Variants in SNTG2 observed in about 807,000 individuals in gnomAD.
SNTG2 encodes the protein gamma-2-syntrophin.
In SNTG2, 74 loss-of-function variants were observed where a neutral mutation model predicts 70.9. That is an observed-to-expected ratio of 1.04 (90% CI 0.86 to 1.27). The LOEUF is 1.27. Ranked by LOEUF, SNTG2 falls within the 50% of genes most tolerant of loss-of-function variation. The pLI is 0.00. For synonymous variants in SNTG2, 278 were observed against 273.8 expected (o/e 1.02, Z -0.15); for missense variants, 717 against 690.7 (o/e 1.04, Z -0.43).
chr2:1,288,951 C>T (rs1445424444), intron 14 of SNTG2, among the ~76,000 whole-genome samples: 3 of 152,158 alleles, frequency 2.0e-5, no homozygotes, highest in Non-Finnish European at 2.9e-5. Context: ...GATTTCTGGT[C>T]TACTCTTACG....
chr2:1,319,315 C>T (rs374111441), intron 16 of SNTG2, among the ~76,000 whole-genome samples: 2 of 152,100 alleles, frequency 1.3e-5, no homozygotes, highest in South Asian at 2.1e-4. Context: ...ATACCAGATT[C>T]GTAGGACTTG....
intron 14 of SNTG2, among the ~76,000 whole-genome samples, chr2:1,300,834 C>T (rs1049935495): frequency 7.2e-5 from 11 of 152,112 alleles, no homozygotes; most frequent in Admixed American, 3.9e-4. Context: ...ATCCTAATTA[C>T]GTTTACTAGC....
At chr2:1,326,573 G>A (rs1264450891) in intron 16 of SNTG2, among the ~76,000 whole-genome samples, 1 of 152,066 alleles carries the variant, frequency 6.6e-6, no homozygotes, top group Non-Finnish European at 1.5e-5. Flanking sequence ...CGTAAAGGAA[G>A]CATGAGGCCA....
intron 8 of SNTG2, among the ~76,000 whole-genome samples, chr2:1,206,716 A>G (rs1159461023): frequency 1.3e-5 from 2 of 152,198 alleles, no homozygotes; most frequent in Non-Finnish European, 2.9e-5. Context: ...CAAGCTCTGC[A>G]TGCAGCCTGA....
rs533204645 is a variant in SNTG2 at position 1,363,498 on chromosome 2, G to A, written c.1489-3845G>A. 4.6e-5 allele frequency among the ~76,000 whole-genome samples: 7 copies of A among 152,292 alleles called. No individual in the cohort carries two copies. In the East Asian group the frequency reaches 1.4e-3, roughly 29 times the overall value. Reference sequence around the variant, plus strand: ...ACTCCCTAACCCAACATATTGGACTGTTCATTCCACACTGTTTCCTGCACA... The same window carrying A: ...ACTCCCTAACCCAACATATTGGACTATTCATTCCACACTGTTTCCTGCACA... On this transcript the variant is annotated intron_variant, in intron 16 of 16. Coordinates refer to ENST00000308624, the MANE Select transcript of SNTG2 (RefSeq NM_018968.4).
chr2:955,880 T>A (rs1660122723), intron 1 of SNTG2, among the ~76,000 whole-genome samples: 1 of 152,138 alleles, frequency 6.6e-6, no homozygotes, highest in Non-Finnish European at 1.5e-5. Context: ...CCAGCTACCC[T>A]CCTTTTAGAA....
intron 4 of SNTG2, among the ~76,000 whole-genome samples, chr2:1,101,410 T>C (rs1665773800): frequency 6.6e-6 from 1 of 152,224 alleles, no homozygotes; most frequent in African/African-American, 2.4e-5. Context: ...TATATCCTCG[T>C]TTTATGCACA....
At chr2:1,037,928 C>T (rs1386297637) in intron 1 of SNTG2, among the ~76,000 whole-genome samples, 1 of 152,112 alleles carries the variant, frequency 6.6e-6, no homozygotes, top group Non-Finnish European at 1.5e-5. Flanking sequence ...TGGTGTGGAC[C>T]TGAGTTTCTG....
At chr2:1,207,655 A>G (rs1343663345) in intron 8 of SNTG2, among the ~76,000 whole-genome samples, 1 of 152,224 alleles carries the variant, frequency 6.6e-6, no homozygotes, top group Admixed American at 6.5e-5. Context: ...AAGCGTAAGC[A>G]TTGTGTAGAG....
intron 1 of SNTG2, among the ~76,000 whole-genome samples, chr2:1,058,267 T>C (rs1176647503): frequency 1.3e-5 from 2 of 152,156 alleles, no homozygotes; most frequent in African/African-American, 4.8e-5. Flanking sequence ...GGGTAGTGTC[T>C]CTGTCTTGTC....
intron 1 of SNTG2, among the ~76,000 whole-genome samples, chr2:963,134 T>TA (rs1572168359): frequency 1.2e-4 from 18 of 151,344 alleles, no homozygotes; most frequent in African/African-American, 2.2e-4. Context: ...TGAGCTTTTT[T>TA]TAAAAAAAAA....
intron 8 of SNTG2, among the ~76,000 whole-genome samples, chr2:1,207,931 G>A (rs1047454706): frequency 6.6e-6 from 1 of 152,184 alleles, no homozygotes; most frequent in Non-Finnish European, 1.5e-5. Context: ...CTCAAATAAC[G>A]TTCTAATACA....
intron 12 of SNTG2, among the ~76,000 whole-genome samples, chr2:1,258,107 G>A (rs78471339): frequency 6.6e-6 from 1 of 152,184 alleles, no homozygotes; most frequent in Non-Finnish European, 1.5e-5. Context: ...ACACTGGCCA[G>A]GGTGGGAACG....
chr2:1,239,058 C>T (rs1361200952), intron 10 of SNTG2, among the ~76,000 whole-genome samples: 1 of 152,232 alleles, frequency 6.6e-6, no homozygotes, highest in Non-Finnish European at 1.5e-5. Flanking sequence ...TTGTAGTTTT[C>T]AAACGCAACA....
chr2:967,624 T>C (rs1448361170), intron 1 of SNTG2, among the ~76,000 whole-genome samples: 1 of 152,226 alleles, frequency 6.6e-6, no homozygotes, highest in Non-Finnish European at 1.5e-5. Context: ...TCAGTGGGCA[T>C]TTGCTTCTAC....
rs1239624627 is a variant in SNTG2, at chr2:1,014,548, A to G, written c.72+63480A>G. Among the ~76,000 whole-genome samples the G allele has an allele frequency of 1.5e-4, 14 of 91,882 alleles. 2 individuals are homozygous for G. The highest frequency in any genetic ancestry group is 3.5e-4 in the Non-Finnish European group (14 of 40,050). 60.3% of individuals were successfully genotyped at this position (91,882 alleles called of 152,430 possible). A position where few individuals can be genotyped will look rare whatever the true frequency, so the allele number is the denominator to read the frequency against. On this transcript the variant is annotated intron_variant, in intron 1 of 16. Transcript: ENST00000308624. The stretch of plus-strand genomic sequence containing the variant: ...AAGGGTGGTCTGGAGAAGGATTTAT[A>G]TGGGCAGAGAGAAGGGTGGTCTGGA...
intron 1 of SNTG2, 150 bp downstream of exon 1, chr2:951,218 C>T (rs1047886752): frequency 2.5e-5 from 10 of 402,790 alleles, no homozygotes; most frequent in African/African-American, 1.9e-4. Flanking sequence ...GGGTGGGCGC[C>T]GGAGCCCCGG....
intron 14 of SNTG2, among the ~76,000 whole-genome samples, chr2:1,302,707 CA>C (rs1192112724): frequency 6.6e-6 from 1 of 151,990 alleles, no homozygotes; most frequent in Admixed American, 6.6e-5. Flanking sequence ...CAGAGATTGG[CA>C]GAGGAGATTA....
At chr2:1,166,248 T>TG (rs1170416584) in intron 7 of SNTG2, among the ~76,000 whole-genome samples, 2 of 152,170 alleles carry the variant, frequency 1.3e-5, no homozygotes, top group Admixed American at 6.5e-5. Context: ...CCTCTCTTTG[T>TG]GGGTAATCGG....
Sources: gnomAD v4.1 joint callset for allele counts (sites outside exome capture counted in the v4.1 genomes callset) on GRCh38, gnomAD v4.1.1 for gene constraint, MANE v1.5 for transcripts, NCBI Gene and HGNC (gene_info 2026-07-23, HGNC 2026-07-21) for gene names.